Variants in FBXO15 observed in about 807,000 individuals in gnomAD.
The protein encoded by FBXO15 is F-box only protein 15.
In FBXO15, 30 loss-of-function variants were observed where a neutral mutation model predicts 49.5. That is an observed-to-expected ratio of 0.61 (90% confidence interval 0.45 to 0.82). FBXO15 has a LOEUF of 0.82. Ranked by LOEUF, FBXO15 falls within the 40% of genes least tolerant of loss-of-function variation. The pLI is 0.00. For synonymous variants in FBXO15, 250 were observed against 232.7 expected (o/e 1.07, Z -0.68); for missense variants, 591 against 631.5 (o/e 0.94, Z 0.69).
intron 8 of FBXO15, among the ~76,000 whole-genome samples, chr18:74,112,559 T>C (rs1914073622): frequency 6.6e-6 from 1 of 152,174 alleles, no homozygotes; most frequent in Non-Finnish European, 1.5e-5. Flanking sequence ...ACATTGTGCT[T>C]TATGGTGAGA....
intron 4 of FBXO15, 143 bp from the exon 5 acceptor site, chr18:74,129,757 C>A: frequency 1.5e-6 from 1 of 671,194 alleles, no homozygotes; most frequent in Non-Finnish European, 2.5e-6. Context: ...GTATAATTTT[C>A]ACTTCAACAA....
intron 8 of FBXO15, chr18:74,099,959 A>G (rs1599149746): frequency 6.6e-6 from 1 of 152,206 alleles, no homozygotes; most frequent in Non-Finnish European, 1.5e-5. Context: ...CAGCAACACA[A>G]TAACAGTGGG....
At chr18:74,114,236 G>A (rs1201051438) in intron 8 of FBXO15, among the ~76,000 whole-genome samples, 1 of 152,184 alleles carries the variant, frequency 6.6e-6, no homozygotes, top group Non-Finnish European at 1.5e-5. Context: ...TCTCATTAGA[G>A]CTGTCTAATG....
intron 8 of FBXO15, among the ~76,000 whole-genome samples, chr18:74,090,139 G>A (rs1047356804): frequency 6.6e-6 from 1 of 152,090 alleles, no homozygotes; most frequent in Non-Finnish European, 1.5e-5. Context: ...TCCTGGTTCA[G>A]TCTTGGGAGG....
intron 8 of FBXO15, among the ~76,000 whole-genome samples, chr18:74,107,465 A>G (rs971611260): frequency 1.3e-5 from 2 of 152,230 alleles, no homozygotes; most frequent in Admixed American, 1.3e-4. Context: ...GTAAAAATCA[A>G]GTCTTGTTAG....
intron 4 of FBXO15, among the ~76,000 whole-genome samples, chr18:74,129,954 G>C (rs1252596056): frequency 1.3e-5 from 2 of 152,124 alleles, no homozygotes; most frequent in East Asian, 3.9e-4. Context: ...CTACTTACTA[G>C]TTATCCCTCT....
intron 8 of FBXO15, chr18:74,097,263 T>C (rs1297314736): frequency 1.3e-5 from 2 of 152,306 alleles, no homozygotes; most frequent in South Asian, 2.1e-4. Context: ...GTGAATCCGG[T>C]GTGCAGACTC....
At chr18:74,117,224 C>T (rs1446294398) in intron 8 of FBXO15, among the ~76,000 whole-genome samples, 1 of 152,088 alleles carries the variant, frequency 6.6e-6, no homozygotes, top group Admixed American at 6.5e-5. Flanking sequence ...TATTTGAGTC[C>T]ACCTTGGAAA....
intron 8 of FBXO15, among the ~76,000 whole-genome samples, chr18:74,115,960 A>C (rs1914214058): frequency 6.6e-6 from 1 of 152,192 alleles, no homozygotes; most frequent in Non-Finnish European, 1.5e-5. Flanking sequence ...ACATCTGCTA[A>C]GCCAGCCCCC....
chr18:74,100,526 C>G (rs981706981), intron 8 of FBXO15, among the ~76,000 whole-genome samples: 2 of 151,784 alleles, frequency 1.3e-5, no homozygotes, highest in African/African-American at 4.8e-5. Flanking sequence ...AAGAACAAAC[C>G]AAACCCAAAC....
At chr18:74,127,443 T>C (rs1282861546) in intron 5 of FBXO15, among the ~76,000 whole-genome samples, 1 of 152,214 alleles carries the variant, frequency 6.6e-6, no homozygotes, top group African/African-American at 2.4e-5. Flanking sequence ...TAGAAAGGTA[T>C]AAATTACAGG....
At chr18:74,078,377 T>G (rs1912344305) in intron 9 of FBXO15, 1 of 113,968 alleles carries the variant, frequency 8.8e-6, no homozygotes, top group African/African-American at 3.5e-5. Context: ...CCCCAGTCAC[T>G]GTCCCTCCTG....
At chr18:74,127,156 C>T (rs1978291351) in intron 5 of FBXO15, among the ~76,000 whole-genome samples, 1 of 152,194 alleles carries the variant, frequency 6.6e-6, no homozygotes, top group South Asian at 2.1e-4. Context: ...CGGCATGGGG[C>T]AGGTGCTCAA....
At chr18:74,136,007 C>A (rs772622324) in intron 2 of FBXO15, 141 bp from the exon 3 acceptor site, 52 of 595,234 alleles carry the variant, frequency 8.7e-5, no homozygotes, top group Non-Finnish European at 1.3e-4. Context: ...CAAACTGTAC[C>A]CTCATCTTCA....
At position 74,123,469 on chromosome 18, in the gene FBXO15, C is replaced by A; in HGVS notation, c.1037G>T (p.Ser346Ile). 1 of 1,613,222 alleles carries A rather than the reference C, an allele frequency of 6.2e-7. No individual in the cohort carries two copies. Among genetic ancestry groups the A allele is most frequent in the African/African-American group, 1.3e-5 (1 of 74,924 alleles). Residue 346 changes from serine to isoleucine, a missense_variant, in exon 8 of 10, where the codon AGC becomes ATC. Transcript: ENST00000419743. ...GTAGCCGTGCAGTCCATACTCGGGG[C>A]TATCATCCAAAAAGGGGCTATGTGG... Reference protein sequence around the residue: ...LPPHSPFLDDSPEYGLHGYQL... With the variant: ...LPPHSPFLDDIPEYGLHGYQL...
At chr18:74,113,644 T>G (rs1307659509) in intron 8 of FBXO15, among the ~76,000 whole-genome samples, 1 of 152,168 alleles carries the variant, frequency 6.6e-6, no homozygotes, top group African/African-American at 2.4e-5. Flanking sequence ...GCAGCATACT[T>G]TGTTATTTAA....
chr18:74,112,283 T>A (rs1914061320), intron 8 of FBXO15, among the ~76,000 whole-genome samples: 1 of 152,152 alleles, frequency 6.6e-6, no homozygotes, highest in African/African-American at 2.4e-5. Context: ...GCAACAATCC[T>A]CAACAAAATA....
At chr18:74,105,963 A>G (rs567440949) in intron 8 of FBXO15, among the ~76,000 whole-genome samples, 6 of 152,326 alleles carry the variant, frequency 3.9e-5, no homozygotes, top group African/African-American at 1.2e-4. Flanking sequence ...GCATAAATGG[A>G]TAAAAATAAT....
At chr18:74,137,758 G>A (rs1185314321) in intron 2 of FBXO15, among the ~76,000 whole-genome samples, 3 of 152,178 alleles carry the variant, frequency 2.0e-5, no homozygotes, top group Admixed American at 6.5e-5. Context: ...AAGGGGAGGT[G>A]AGAGGCAGGA....
Sources: gnomAD v4.1 joint callset for allele counts (sites outside exome capture counted in the v4.1 genomes callset) on GRCh38, gnomAD v4.1.1 for gene constraint, MANE v1.5 for transcripts, NCBI Gene and HGNC (gene_info 2026-07-23, HGNC 2026-07-21) for gene names.